Variants in ANO2 observed in about 807,000 individuals in gnomAD.
The protein encoded by ANO2 is anoctamin-2.
ANO2 carries 101 observed loss-of-function variants against 124.2 expected under a neutral mutation model. The ratio of observed to expected loss-of-function variants is 0.81; its 90% CI spans 0.69 to 0.96. ANO2 has a LOEUF of 0.96. Ranked by LOEUF, ANO2 falls within the 40% of genes least tolerant of loss-of-function variation. ANO2 has a pLI of 0.00. For missense variants in ANO2, 1,293 were observed against 1,274.5 expected (o/e 1.01, Z -0.22); for synonymous variants, 486 against 482.5 (o/e 1.01, Z -0.09).
chr12:5,922,610 C>CCCGAAA lies in ANO2; in HGVS notation c.207+9_207+10insTTTCGG. 2 of 1,525,354 alleles carry CCCGAAA rather than the reference C, an allele frequency of 1.3e-6. No homozygotes were observed. The highest frequency in any genetic ancestry group is 1.8e-6 in the Non-Finnish European group (2 of 1,136,102). 94.5% of individuals were successfully genotyped at this position (1,525,354 alleles called of 1,614,324 possible). A position where few individuals can be genotyped will look rare whatever the true frequency, so the allele number is the denominator to read the frequency against. On this transcript the variant is annotated intron_variant, in intron 2 of 24. Transcript: ENST00000682330. ...CCTATCCCCCCACCCCACCCCCGCC[C>CCCGAAA]AGTACTCACAGAGCTGCTGCGGGTG...
At chr12:5,734,679 A>C (rs1950781763) in intron 13 of ANO2, among the ~76,000 whole-genome samples, 1 of 144,876 alleles carries the variant, frequency 6.9e-6, no homozygotes. Context: ...ACAGAGTCTC[A>C]CTCTGTCGCC....
chr12:5,612,674 ATGT>A lies in ANO2; in HGVS notation c.2066_2068del (p.Asn689del), dbSNP rs1565474458. 11 of 1,613,772 alleles carry A rather than the reference ATGT, an allele frequency of 6.8e-6. No individual in the cohort carries two copies. Among genetic ancestry groups the A allele is most frequent in the Admixed American group, 3.3e-5 (2 of 59,992 alleles). ...TACATACGGGACTCCAATCTCAAAG[ATGT>A]TGTTCTGGATCAACTGCTTCCCCAA... On this transcript the variant is annotated inframe_deletion, in exon 19 of 25. Transcript: ENST00000682330.
intron 24 of ANO2, among the ~76,000 whole-genome samples, chr12:5,564,858 G>GC (rs561867405): frequency 2.4e-3 from 359 of 152,244 alleles, no homozygotes; most frequent in Admixed American, 3.9e-3. Flanking sequence ...ATACTTTAGA[G>GC]CCCCCCAGAG....
chr12:5,870,538 A>G (rs568240446), intron 3 of ANO2: 1 of 152,372 alleles, frequency 6.6e-6, no homozygotes, highest in East Asian at 1.9e-4. Context: ...AGCATGAAGA[A>G]CTAGCCTTAA....
Position 5,576,696 on chromosome 12 carries a change from C to T in ANO2, c.2440-681G>A, listed in dbSNP as rs567205213. Among the ~76,000 whole-genome samples the T allele has an allele frequency of 5.9e-5, 9 of 152,268 alleles. No homozygotes were observed. The East Asian group carries it at 9.6e-4, about 16-fold the overall frequency. On this transcript the variant is annotated intron_variant, in intron 22 of 24. Transcript: ENST00000682330. Reference sequence around the variant, plus strand: ...AAACCAAATGACAAATGAATGATTGCGTATTTGAACACAGGGGTACTTTCT... The same window carrying T: ...AAACCAAATGACAAATGAATGATTGTGTATTTGAACACAGGGGTACTTTCT...
rs567311982 is a variant in ANO2, at chr12:5,584,415, T to C, written c.2234-5897A>G. Among the ~76,000 whole-genome samples, 7 of 152,254 alleles carry C rather than the reference T, an allele frequency of 4.6e-5. No individual in the cohort carries two copies. In the East Asian group the frequency reaches 5.8e-4, roughly 13 times the overall value. On this transcript the variant is annotated intron_variant, in intron 20 of 24. Transcript: ENST00000682330. ...GCCCTTGGAGAAGGCTGTTTTTCTT[T>C]AATTAAAAATAACTGAAATGCTTAA...
At chr12:5,831,340 A>G (rs1954146464) in intron 5 of ANO2, among the ~76,000 whole-genome samples, 1 of 152,212 alleles carries the variant, frequency 6.6e-6, no homozygotes, top group South Asian at 2.1e-4. Flanking sequence ...GTGTTGATGA[A>G]CCAGTCTTGA....
chr12:5,913,834 A>G (rs1324197658), intron 3 of ANO2, among the ~76,000 whole-genome samples: 1 of 152,228 alleles, frequency 6.6e-6, no homozygotes, highest in East Asian at 1.9e-4. Context: ...ACCATAGATT[A>G]AATCTCACTC....
chr12:5,740,489 A>T (rs1951054337), intron 12 of ANO2: 1 of 154,796 alleles, frequency 6.5e-6, no homozygotes, highest in Non-Finnish European at 1.4e-5. Flanking sequence ...AGGCATTGTC[A>T]GGGAGATTGG....
intron 10 of ANO2, among the ~76,000 whole-genome samples, chr12:5,781,598 A>C (rs761991385): frequency 9.9e-5 from 15 of 152,268 alleles, no homozygotes; most frequent in Non-Finnish European, 1.8e-4. Context: ...ACTTGCTAAT[A>C]AATGTTTAGT....
At chr12:5,594,309 C>A (rs1357832472) in intron 20 of ANO2, among the ~76,000 whole-genome samples, 2 of 152,186 alleles carry the variant, frequency 1.3e-5, no homozygotes, top group Non-Finnish European at 2.9e-5. Context: ...TAAGTGAATT[C>A]TTGCACCTGT....
chr12:5,851,878 T>C (rs1954922547), intron 4 of ANO2: 1 of 709,788 alleles, frequency 1.4e-6, no homozygotes, highest in African/African-American at 1.7e-5. Context: ...GACACACTTT[T>C]CCTGTGTCTC....
intron 19 of ANO2, among the ~76,000 whole-genome samples, chr12:5,603,960 A>G (rs997954833): frequency 6.6e-6 from 1 of 151,318 alleles, no homozygotes; most frequent in Non-Finnish European, 1.5e-5. Context: ...AAAAAAAAAA[A>G]AAAAAGAAAA....
chr12:5,762,375 G>A (rs1233644192), intron 10 of ANO2, among the ~76,000 whole-genome samples: 3 of 151,910 alleles, frequency 2.0e-5, no homozygotes, highest in African/African-American at 7.2e-5. Context: ...TATGAAAAGT[G>A]TATTTATAAA....
intron 11 of ANO2, 96 bp from the exon 12 acceptor site, chr12:5,744,413 T>C (rs1039475850): frequency 1.4e-5 from 19 of 1,405,068 alleles, no homozygotes; most frequent in Non-Finnish European, 1.8e-5. Context: ...TCCAAATCTA[T>C]GGTTGAGTTT....
chr12:5,647,851 T>C (rs917153388), intron 14 of ANO2, 50 bp from the exon 15 acceptor site: 29 of 1,404,170 alleles, frequency 2.1e-5, no homozygotes, highest in Non-Finnish European at 2.7e-5. Flanking sequence ...AAATAACAGA[T>C]ATTAATTTGC....
At chr12:5,893,891 T>A (rs1454104592) in intron 3 of ANO2, among the ~76,000 whole-genome samples, 2 of 152,168 alleles carry the variant, frequency 1.3e-5, no homozygotes, top group Non-Finnish European at 2.9e-5. Flanking sequence ...AGTCTACCTT[T>A]ATGGGCATTT....
chr12:5,641,073 AG>A (rs1443989030), intron 15 of ANO2, among the ~76,000 whole-genome samples: 10 of 152,232 alleles, frequency 6.6e-5, no homozygotes, highest in Non-Finnish European at 1.2e-4. Flanking sequence ...TGTTCTTTGC[AG>A]GGACACGGAT....
chr12:5,628,143 T>TA lies in ANO2; in HGVS notation c.1816+7008dup, dbSNP rs202092933. Among the ~76,000 whole-genome samples the TA allele has an allele frequency of 7.0e-3, 1,068 of 151,702 alleles. 16 individuals carry two copies. The highest frequency in any genetic ancestry group is 0.022 in the African/African-American group (911 of 41,380). On this transcript the variant is annotated intron_variant, in intron 16 of 24. Transcript: ENST00000682330. ...GAGATTCCTGGTGGCCTTTCAAATT[T>TA]AAAAAAAAATTCTTTCTTTGTTAAA...
Sources: gnomAD v4.1 joint callset for allele counts (sites outside exome capture counted in the v4.1 genomes callset) on GRCh38, gnomAD v4.1.1 for gene constraint, MANE v1.5 for transcripts, NCBI Gene and HGNC (gene_info 2026-07-23, HGNC 2026-07-21) for gene names.